MYH16: variants seen among roughly 807,000 people sequenced by gnomAD.
MYH16 encodes the protein myosin heavy chain 16, also known as putative uncharacterized protein MYH16.
At chr7:99,250,268 G>A (rs775733861) in intron 5 of MYH16, among the ~76,000 whole-genome samples, 1 of 152,172 alleles carries the variant, frequency 6.6e-6, no homozygotes, top group Non-Finnish European at 1.5e-5. Context: ...TCTCCTCCCC[G>A]AGGACTTGTT....
chr7:99,296,451 G>A (rs1034354986), intron 33 of MYH16, among the ~76,000 whole-genome samples: 1 of 151,944 alleles, frequency 6.6e-6, no homozygotes, highest in Non-Finnish European at 1.5e-5. Context: ...ATTCTAACCT[G>A]GGAAAATAAG....
chr7:99,292,574 CCAT>C, intron 32 of MYH16, 66 bp downstream of exon 13: 2 of 439,914 alleles, frequency 4.5e-6, no homozygotes, highest in Non-Finnish European at 9.2e-6. Flanking sequence ...GGCCTCACCA[CCAT>C]GTCAGTCACT....
At chr7:99,277,596 G>A (rs993273084) in exon 21 of MYH16, 9 of 456,930 alleles carry the variant, frequency 2.0e-5, no homozygotes, top group Middle Eastern at 3.2e-4. Context: ...CAAGGAGGAG[G>A]AGCTCAGGAA....
intron 33 of MYH16, among the ~76,000 whole-genome samples, chr7:99,296,011 G>A (rs147855757): frequency 1.1e-4 from 17 of 151,544 alleles, no homozygotes; most frequent in East Asian, 9.7e-4. Context: ...ACGTGGTGGC[G>A]CACGCCTGTG....
chr7:99,298,784 T>C (rs1315634461), intron 36 of MYH16, among the ~76,000 whole-genome samples: 1 of 151,664 alleles, frequency 6.6e-6, no homozygotes, highest in Non-Finnish European at 1.5e-5. Context: ...TTTTTAATTA[T>C]ACTTTAAGTT....
At chr7:99,285,464 T>C (rs757601014) in intron 27 of MYH16, 26 bp downstream of exon 9, 8 of 456,688 alleles carry the variant, frequency 1.8e-5, no homozygotes, top group South Asian at 4.6e-5. Context: ...TTCCCCTTCT[T>C]GAGTCAAAAG....
intron 4 of MYH16, among the ~76,000 whole-genome samples, chr7:99,249,799 C>T (rs777657505): frequency 3.2e-4 from 48 of 151,910 alleles, no homozygotes; most frequent in Non-Finnish European, 5.6e-4. Flanking sequence ...TCAGGTGATC[C>T]GCCCACCTTG....
intron 17 of MYH16, among the ~76,000 whole-genome samples, chr7:99,266,076 C>T (rs550826887): frequency 6.6e-6 from 1 of 152,302 alleles, no homozygotes; most frequent in East Asian, 1.9e-4. Context: ...TCCAGACATG[C>T]GCTCAGACAG....
intron 1 of MYH16, among the ~76,000 whole-genome samples, chr7:99,239,411 G>A (rs1455827986): frequency 1.3e-5 from 2 of 152,218 alleles, no homozygotes; most frequent in Non-Finnish European, 2.9e-5. Context: ...GTCACTGTGT[G>A]CCATGGCCCC....
At chr7:99,252,148 G>A (rs1342253276) in intron 6 of MYH16, among the ~76,000 whole-genome samples, 1 of 152,170 alleles carries the variant, frequency 6.6e-6, no homozygotes, top group Admixed American at 6.5e-5. Context: ...AGGCTGGAGG[G>A]ACATAAGAGA....
intron 21 of MYH16, among the ~76,000 whole-genome samples, chr7:99,278,980 C>A (rs1380570361): frequency 6.6e-6 from 1 of 152,052 alleles, no homozygotes; most frequent in Non-Finnish European, 1.5e-5. Flanking sequence ...ATGCTTGAGC[C>A]CAGGAGTTCA....
chr7:99,264,244 C>T (rs2150812719), intron 14 of MYH16: 1 of 152,806 alleles, frequency 6.5e-6, no homozygotes, highest in Non-Finnish European at 1.5e-5. Context: ...CTTGTCCCTT[C>T]CTCAGCCGGA....
intron 11 of MYH16, among the ~76,000 whole-genome samples, chr7:99,259,659 T>C (rs1165021400): frequency 6.6e-6 from 1 of 151,382 alleles, no homozygotes; most frequent in Non-Finnish European, 1.5e-5. Flanking sequence ...GGTTTTACCA[T>C]GATGACCAGG....
At chr7:99,303,710 G>A (rs1007397768) in intron 39 of MYH16, among the ~76,000 whole-genome samples, 5 of 152,330 alleles carry the variant, frequency 3.3e-5, no homozygotes, top group Middle Eastern at 3.4e-3. Context: ...GCTGAGACAG[G>A]AGGATCACCT....
chr7:99,291,898 G>A (rs1047702862), intron 31 of MYH16, among the ~76,000 whole-genome samples: 3 of 152,130 alleles, frequency 2.0e-5, no homozygotes, highest in South Asian at 4.2e-4. Flanking sequence ...AGCCGAGATC[G>A]CACCATTGCA....
At chr7:99,308,753 G>T (rs1415057766), downstream of MYH16, among the ~76,000 whole-genome samples, 1 of 152,214 alleles carries the variant, frequency 6.6e-6, no homozygotes, top group African/African-American at 2.4e-5. Context: ...GAGCCAGGGT[G>T]TGGAGGTTTC....
intron 38 of MYH16, among the ~76,000 whole-genome samples, chr7:99,302,299 CAAA>C (rs1267029344): frequency 3.4e-5 from 3 of 87,636 alleles, no homozygotes; most frequent in African/African-American, 6.7e-5. Context: ...GTGACCATCT[CAAA>C]AAAAAAAAAA....
chr7:99,258,440 T>A (rs1791898526), intron 11 of MYH16: 1 of 153,232 alleles, frequency 6.5e-6, no homozygotes, highest in African/African-American at 2.4e-5. Flanking sequence ...CTGTCCTCCT[T>A]ATATAAGCTA....
chr7:99,271,428 G>C (rs1792044659), intron 19 of MYH16, among the ~76,000 whole-genome samples: 1 of 152,194 alleles, frequency 6.6e-6, no homozygotes, highest in Admixed American at 6.5e-5. Context: ...AGAATCGCTT[G>C]AATCCGGGAG....
Sources: allele counts gnomAD v4.1 joint callset (sites outside exome capture counted in the v4.1 genomes callset), GRCh38; gene constraint gnomAD v4.1.1; transcripts MANE v1.5; gene names NCBI Gene and HGNC (gene_info 2026-07-23, HGNC 2026-07-21).